The following ELAVL2 variants were observed in gnomAD, a reference collection of about 807,000 sequenced individuals.
ELAVL2 encodes the protein ELAV like RNA binding protein 2, also known as ELAV-like protein 2.
ELAVL2 carries 4 observed loss-of-function variants against 34.6 expected under a neutral mutation model. The observed-to-expected ratio is 0.12, with a 90% confidence interval of 0.06 to 0.26. ELAVL2 has a LOEUF of 0.26. Ranked by LOEUF, ELAVL2 falls within the 10% of genes least tolerant of loss-of-function variation. The probability of loss-of-function intolerance (pLI) is 1.00; values close to 1 mark genes in which losing one functional copy is unlikely to be tolerated. For missense variants in ELAVL2, 432 were observed against 442.8 expected (o/e 0.98, Z 0.22); for synonymous variants, 193 against 154.8 (o/e 1.25, Z -1.83).
the ELAVL2 span, among the ~76,000 whole-genome samples, chr9:23,844,790 T>C: frequency 1.3e-5 from 2 of 152,036 alleles, no homozygotes; most frequent in Non-Finnish European, 2.9e-5. Flanking sequence ...CTTATATTAC[T>C]CTGCCCTTTC....
At chr9:23,779,446 G>A in intron 1 of ELAVL2, 1 of 982,156 alleles carries the variant, frequency 1.0e-6, no homozygotes, top group Non-Finnish European at 1.2e-6. Flanking sequence ...GAGGGAATAT[G>A]AAAGCTAGAG....
intron 1 of ELAVL2, 50 bp from the exon 2 acceptor site, chr9:23,762,299 T>C: frequency 6.3e-7 from 1 of 1,582,052 alleles, no homozygotes; most frequent in Non-Finnish European, 8.6e-7. Flanking sequence ...TCACAACCTA[T>C]TAGAGACTCC....
At chr9:23,749,424 T>C (rs1021462872) in intron 2 of ELAVL2, among the ~76,000 whole-genome samples, 8 of 152,156 alleles carry the variant, frequency 5.3e-5, no homozygotes, top group South Asian at 4.1e-4. Context: ...ATTTGTTAAT[T>C]AGCATAACGA....
intron 5 of ELAVL2, among the ~76,000 whole-genome samples, chr9:23,700,423 A>G (rs2036773879): frequency 6.6e-6 from 1 of 152,186 alleles, no homozygotes; most frequent in South Asian, 2.1e-4. Flanking sequence ...CTGGTTTGTT[A>G]TCCCAGGATC....
intron 2 of ELAVL2, among the ~76,000 whole-genome samples, chr9:23,758,955 C>G (rs548171204): frequency 2.0e-5 from 3 of 152,108 alleles, no homozygotes; most frequent in South Asian, 4.2e-4. Flanking sequence ...CTTATACACA[C>G]TATCGTGGGA....
the ELAVL2 span, among the ~76,000 whole-genome samples, chr9:23,847,730 G>A: frequency 1.3e-5 from 2 of 151,962 alleles, no homozygotes; most frequent in African/African-American, 2.4e-5. Flanking sequence ...CCTAAAATTG[G>A]CACAGAATTA....
intron 1 of ELAVL2, among the ~76,000 whole-genome samples, chr9:23,799,220 T>A (rs2061311691): frequency 6.6e-6 from 1 of 152,062 alleles, no homozygotes; most frequent in East Asian, 1.9e-4. Flanking sequence ...TACAAAGGAG[T>A]ACCTCTCGCC....
chr9:23,762,529 T>C (rs1015431789), intron 1 of ELAVL2, among the ~76,000 whole-genome samples: 9 of 152,104 alleles, frequency 5.9e-5, no homozygotes, highest in Admixed American at 5.3e-4. Context: ...TCTATTCACA[T>C]ATCCTTACTC....
intron 3 of ELAVL2, among the ~76,000 whole-genome samples, chr9:23,714,228 AC>A (rs2041742578): frequency 6.6e-6 from 1 of 152,198 alleles, no homozygotes. Context: ...AATTTATGGA[AC>A]AAAAACTCAA....
intron 3 of ELAVL2, among the ~76,000 whole-genome samples, chr9:23,730,313 T>C (rs922197813): frequency 3.3e-4 from 50 of 152,290 alleles, no homozygotes; most frequent in African/African-American, 1.0e-3. Context: ...AGTTATTTAC[T>C]GTACGTCTTA....
chr9:23,768,623 T>G (rs2136225791), intron 1 of ELAVL2, among the ~76,000 whole-genome samples: 1 of 152,254 alleles, frequency 6.6e-6, no homozygotes, highest in Middle Eastern at 3.4e-3. Context: ...CACTGAAATC[T>G]AAATTCCTAT....
At chr9:23,843,308 G>T in the ELAVL2 span, among the ~76,000 whole-genome samples, 11 of 152,128 alleles carry the variant, frequency 7.2e-5, no homozygotes, top group Non-Finnish European at 1.6e-4. Flanking sequence ...ATAAAAAATT[G>T]TTGCCAGGAG....
chr9:23,758,233 C>G (rs1027996053), intron 2 of ELAVL2, among the ~76,000 whole-genome samples: 1 of 152,070 alleles, frequency 6.6e-6, no homozygotes, highest in Non-Finnish European at 1.5e-5. Context: ...GGGTCCAAAG[C>G]TCCACAAATT....
chr9:23,728,067 T>G (rs12336305), intron 3 of ELAVL2, among the ~76,000 whole-genome samples: 1,625 of 152,088 alleles, frequency 0.011, 24 homozygotes, highest in African/African-American at 0.036. Context: ...AGACAAGGAT[T>G]TGTTTGAGTC....
intron 2 of ELAVL2, among the ~76,000 whole-genome samples, chr9:23,741,738 C>T (rs1237019041): frequency 6.6e-6 from 1 of 151,554 alleles, no homozygotes; most frequent in Admixed American, 6.6e-5. Context: ...CTGAACAAGA[C>T]ACACAGATCC....
At chr9:23,786,883 T>C (rs763666287) in intron 1 of ELAVL2, among the ~76,000 whole-genome samples, 5 of 152,130 alleles carry the variant, frequency 3.3e-5, no homozygotes, top group Non-Finnish European at 5.9e-5. Flanking sequence ...CCAGTTTACT[T>C]TTCTATTCAA....
At chr9:23,822,386 T>C (rs943782952) in intron 1 of ELAVL2, among the ~76,000 whole-genome samples, 1 of 152,046 alleles carries the variant, frequency 6.6e-6, no homozygotes, top group African/African-American at 2.4e-5. Context: ...TGTACTCTGC[T>C]TCAAACGCAA....
chr9:23,735,281 C>G (rs2047601630), intron 2 of ELAVL2: 1 of 151,948 alleles, frequency 6.6e-6, no homozygotes, highest in Non-Finnish European at 1.5e-5. Context: ...TAATTCAAAT[C>G]TTTCTTCTTT....
At chr9:23,746,114 C>T (rs910629556) in intron 2 of ELAVL2, among the ~76,000 whole-genome samples, 1 of 152,142 alleles carries the variant, frequency 6.6e-6, no homozygotes, top group Non-Finnish European at 1.5e-5. Context: ...AACAAAGTGA[C>T]ACAAATATGA....
Sources: allele counts gnomAD v4.1 joint callset (sites outside exome capture counted in the v4.1 genomes callset), GRCh38; gene constraint gnomAD v4.1.1; transcripts MANE v1.5; gene names NCBI Gene and HGNC (gene_info 2026-07-23, HGNC 2026-07-21).